The following SDK1 variants were observed in gnomAD, a reference collection of about 807,000 sequenced individuals.
The protein encoded by SDK1 is protein sidekick-1.
A neutral mutation model predicts 245.5 loss-of-function variants in SDK1; 157 were observed. That is an observed-to-expected ratio of 0.64 (90% CI 0.56 to 0.73). SDK1 has a LOEUF of 0.73. Ranked by LOEUF, SDK1 falls within the 30% of genes least tolerant of loss-of-function variation. SDK1 has a pLI of 0.00. For missense variants in SDK1, 3,583 were observed against 3,002.3 expected (o/e 1.19, Z -4.52); for synonymous variants, 1,647 against 1,278.5 (o/e 1.29, Z -6.15).
chr7:3,884,203 C>T (rs1781283080), intron 5 of SDK1, among the ~76,000 whole-genome samples: 1 of 152,006 alleles, frequency 6.6e-6, no homozygotes, highest in Admixed American at 6.6e-5. Flanking sequence ...ACCTCAGCCT[C>T]CGAAAGCATG....
At chr7:3,761,553 C>CAAA (rs1307806673) in intron 4 of SDK1, among the ~76,000 whole-genome samples, 1 of 99,442 alleles carries the variant, frequency 1.0e-5, no homozygotes, top group Admixed American at 1.2e-4. Flanking sequence ...GACTCCATCT[C>CAAA]AAAAAAAAAA....
chr7:3,628,750 A>G (rs537596609), intron 2 of SDK1, among the ~76,000 whole-genome samples: 26 of 152,310 alleles, frequency 1.7e-4, no homozygotes, highest in African/African-American at 5.3e-4. Context: ...GTAAAACTGG[A>G]CAAAAATATG....
intron 11 of SDK1, 30 bp from the exon 12 acceptor site, chr7:3,971,436 C>A: frequency 6.7e-7 from 1 of 1,490,770 alleles, no homozygotes; most frequent in East Asian, 2.3e-5. Context: ...CTTGTCATTT[C>A]GTCTGACTCG....
At chr7:3,395,113 A>C (rs1220992817) in intron 1 of SDK1, among the ~76,000 whole-genome samples, 1 of 151,954 alleles carries the variant, frequency 6.6e-6, no homozygotes, top group Non-Finnish European at 1.5e-5. Context: ...ACCAATATGT[A>C]TTATATTCAC....
intron 8 of SDK1, among the ~76,000 whole-genome samples, chr7:3,959,359 G>A (rs1781500548): frequency 6.6e-6 from 1 of 152,128 alleles, no homozygotes; most frequent in African/African-American, 2.4e-5. Flanking sequence ...ATTCGGGGCA[G>A]AAAATTCTTT....
chr7:3,395,003 C>A lies in SDK1; in HGVS notation c.298+93119C>A, dbSNP rs533149763. ...AACCGAATGTCTTTTATTTGTTTTTCTTGGGTGGTTAGAGCTTCCAGTGCT... is the reference window on the plus strand; with the variant it reads ...AACCGAATGTCTTTTATTTGTTTTTATTGGGTGGTTAGAGCTTCCAGTGCT... On this transcript the variant is annotated intron_variant, in intron 1 of 44. Transcript: ENST00000404826. Among the ~76,000 whole-genome samples the A allele has an allele frequency of 7.9e-5, 12 of 151,902 alleles. No individual in the cohort carries two copies. The East Asian group carries it at 1.5e-3, about 20-fold the overall frequency.
intron 5 of SDK1, among the ~76,000 whole-genome samples, chr7:3,856,973 C>T (rs934838060): frequency 2.0e-5 from 3 of 152,016 alleles, no homozygotes; most frequent in Non-Finnish European, 4.4e-5. Context: ...AAAAGGAAGG[C>T]TCTACCAAGA....
intron 1 of SDK1, among the ~76,000 whole-genome samples, chr7:3,477,464 T>G (rs1031193320): frequency 1.3e-5 from 2 of 151,648 alleles, no homozygotes; most frequent in Non-Finnish European, 2.9e-5. Flanking sequence ...AGTGTTGGGA[T>G]TACACGTGTG....
In SDK1 at chr7:3,992,817, T is replaced by C. The variant is rs545167021; in HGVS notation, c.2131+5495T>C. 8.5e-5 allele frequency among the ~76,000 whole-genome samples: 13 copies of C among 152,260 alleles called. 1 individual carries two copies. Among genetic ancestry groups the C allele is most frequent in the African/African-American group, 2.6e-4 (11 of 41,548 alleles). On this transcript the variant is annotated intron_variant, in intron 14 of 44. Coordinates refer to ENST00000404826, the MANE Select transcript of SDK1 (RefSeq NM_152744.4). ...TCTTTGGGCTACTTATCTCTGTAAA[T>C]TGTAGAAATCTTATAGTAGTGCACT... is the stretch of plus-strand genomic sequence containing the variant.
At chr7:3,476,706 G>C (rs560280979) in intron 1 of SDK1, among the ~76,000 whole-genome samples, 1 of 152,022 alleles carries the variant, frequency 6.6e-6, no homozygotes, top group African/African-American at 2.4e-5. Flanking sequence ...TTCCAACCTC[G>C]AATTTTTTCC....
intron 35 of SDK1, among the ~76,000 whole-genome samples, chr7:4,179,542 C>A (rs890912290): frequency 6.6e-6 from 1 of 152,070 alleles, no homozygotes; most frequent in African/African-American, 2.4e-5. Context: ...AATGGTCAAG[C>A]GGTATTTGCA....
At chr7:4,227,281 G>A (rs1017924036) in intron 40 of SDK1, 1 of 443,070 alleles carries the variant, frequency 2.3e-6, no homozygotes, top group Non-Finnish European at 4.7e-6. Flanking sequence ...TAAGCTGCTT[G>A]TCTTTCTCAT....
intron 5 of SDK1, among the ~76,000 whole-genome samples, chr7:3,946,206 C>A (rs1231235856): frequency 1.3e-5 from 2 of 152,014 alleles, no homozygotes; most frequent in African/African-American, 2.4e-5. Context: ...GAGACAGGGT[C>A]TTGCTCTGTT....
intron 19 of SDK1, among the ~76,000 whole-genome samples, chr7:4,055,018 T>C (rs186767936): frequency 1.5e-3 from 232 of 152,340 alleles, no homozygotes; most frequent in Middle Eastern, 3.4e-3. Context: ...CGAAGGACTT[T>C]TGCATGTAAG....
intron 1 of SDK1, among the ~76,000 whole-genome samples, chr7:3,306,467 A>C (rs1316918141): frequency 6.6e-6 from 1 of 152,188 alleles, no homozygotes; most frequent in Non-Finnish European, 1.5e-5. Flanking sequence ...TCTGCACTGA[A>C]GTGTATGAAT....
At chr7:3,426,240 G>T (rs1470055955) in intron 1 of SDK1, among the ~76,000 whole-genome samples, 1 of 152,144 alleles carries the variant, frequency 6.6e-6, no homozygotes, top group South Asian at 2.1e-4. Context: ...TTTGCTGTGG[G>T]ACAAGAGGAA....
At chr7:3,764,405 G>GTTATTTT (rs1169472622) in intron 4 of SDK1, among the ~76,000 whole-genome samples, 10 of 152,112 alleles carry the variant, frequency 6.6e-5, no homozygotes, top group African/African-American at 2.4e-4. Context: ...ACCATCCTAG[G>GTTATTTT]CCGGGCACAG....
chr7:3,649,367 A>G (rs982043654), intron 4 of SDK1, among the ~76,000 whole-genome samples: 1 of 152,082 alleles, frequency 6.6e-6, no homozygotes, highest in Admixed American at 6.6e-5. Flanking sequence ...TGTGCACAGA[A>G]GAAATTGCCA....
At chr7:4,214,333 G>A (rs1784669370) in intron 38 of SDK1, among the ~76,000 whole-genome samples, 1 of 152,206 alleles carries the variant, frequency 6.6e-6, no homozygotes, top group South Asian at 2.1e-4. Context: ...CGAGTAGGGG[G>A]CCTGTCTCTC....
Sources: allele counts gnomAD v4.1 joint callset (sites outside exome capture counted in the v4.1 genomes callset), GRCh38; gene constraint gnomAD v4.1.1; transcripts MANE v1.5; gene names NCBI Gene and HGNC (gene_info 2026-07-23, HGNC 2026-07-21).